IRAG1: variants seen among roughly 807,000 people sequenced by gnomAD.
IRAG1 encodes inositol 1,4,5-triphosphate receptor associated 1.
IRAG1 carries 62 observed loss-of-function variants against 106.2 expected under a neutral mutation model. That is an observed-to-expected ratio of 0.58 (90% confidence interval 0.48 to 0.72). IRAG1 has a LOEUF of 0.72. Ranked by LOEUF, IRAG1 falls within the 30% of genes least tolerant of loss-of-function variation. IRAG1 has a pLI of 0.00. For missense variants in IRAG1, 1,064 were observed against 1,140.7 expected (o/e 0.93, Z 0.97); for synonymous variants, 462 against 443.9 (o/e 1.04, Z -0.51).
chr11:10,593,691 G>A (rs1852939042), intron 16 of IRAG1, 92 bp from the exon 17 acceptor site: 1 of 933,924 alleles, frequency 1.1e-6, no homozygotes, highest in South Asian at 1.5e-5. Flanking sequence ...CATTTCTAAT[G>A]CTGTAATGGC....
chr11:10,652,193 G>T lies in IRAG1; in HGVS notation c.68-11C>A, dbSNP rs767531067. 6.2e-7 allele frequency: 1 copy of T among 1,613,396 alleles called. No homozygotes were observed. The highest frequency in any genetic ancestry group is 1.1e-5 in the South Asian group (1 of 90,980). On this transcript the variant is annotated splice_polypyrimidine_tract_variant and intron_variant, in intron 1 of 20. Coordinates refer to ENST00000423302, the MANE Select transcript of IRAG1 (RefSeq NM_130385.4). ...CCTGGGCTCCACAGGCTGGGGAGAT[G>T]CCAAAAGGACAAGTCAAATCCATTC... is the stretch of plus-strand genomic sequence containing the variant.
rs1850799404 is a variant in IRAG1, at chr11:10,576,122, T to C, written c.*210A>G. Reference sequence around the variant, plus strand: ...GGTGACTTCTTCATCCACTGGATGCTTTCCCAGGGCAGTTTTGTTGATCCT... The same window carrying C: ...GGTGACTTCTTCATCCACTGGATGCCTTCCCAGGGCAGTTTTGTTGATCCT... On this transcript the variant is annotated 3_prime_UTR_variant, in exon 21 of 21. Coordinates refer to ENST00000423302, the MANE Select transcript of IRAG1 (RefSeq NM_130385.4). The C allele has an allele frequency of 4.9e-6, 3 of 615,388 alleles. No homozygotes were observed. The highest frequency in any genetic ancestry group is 8.3e-6 in the Non-Finnish European group (3 of 360,568). The allele number at this position is 615,388 out of a possible 1,614,324, so 38.1% of individuals were successfully genotyped here.
intron 2 of IRAG1, among the ~76,000 whole-genome samples, chr11:10,643,576 T>C (rs1252247409): frequency 6.6e-6 from 1 of 152,244 alleles, no homozygotes; most frequent in Non-Finnish European, 1.5e-5. Flanking sequence ...TAGTCGTTCA[T>C]CCGTCATATC....
chr11:10,657,737 A>C lies in IRAG1; in HGVS notation c.68-5555T>G, dbSNP rs898744621. ...CTCTAGATGGACAACTGATGGGGGG[A>C]ATTGTTGGGGGTGACTGCACGTGGA... On this transcript the variant is annotated intron_variant, in intron 1 of 20. Transcript: ENST00000423302. The surrounding 1 kb of genome is among the most constrained non-coding windows in gnomAD (Gnocchi z 4.1). Among the ~76,000 whole-genome samples, 12 of 151,876 alleles carry C rather than the reference A, an allele frequency of 7.9e-5. No homozygotes were observed. The highest frequency in any genetic ancestry group is 1.8e-4 in the Non-Finnish European group (12 of 67,982).
intron 1 of IRAG1, among the ~76,000 whole-genome samples, chr11:10,691,188 C>G (rs112636343): frequency 6.6e-6 from 1 of 152,142 alleles, no homozygotes; most frequent in Non-Finnish European, 1.5e-5. Flanking sequence ...AACCCAGGGC[C>G]CTGTGTAACC....
intron 19 of IRAG1, 93 bp from the exon 20 acceptor site, chr11:10,580,682 C>T: frequency 2.1e-6 from 3 of 1,422,050 alleles, no homozygotes; most frequent in Non-Finnish European, 2.9e-6. Context: ...AGCAGCACCT[C>T]CAATAATTAT....
At chr11:10,580,716 C>A in intron 19 of IRAG1, 127 bp from the exon 20 acceptor site, 1 of 1,166,962 alleles carries the variant, frequency 8.6e-7, no homozygotes, top group Non-Finnish European at 1.2e-6. Context: ...TTCCACAAAA[C>A]AGGAAAAAGC....
At chr11:10,599,458 C>A (rs2134290221) in intron 15 of IRAG1, among the ~76,000 whole-genome samples, 1 of 152,298 alleles carries the variant, frequency 6.6e-6, no homozygotes, top group Non-Finnish European at 1.5e-5. Context: ...GCTTCCAACA[C>A]TGACGGAAAA....
chr11:10,649,047 G>A (rs919375184), intron 2 of IRAG1, among the ~76,000 whole-genome samples: 2 of 152,146 alleles, frequency 1.3e-5, no homozygotes, highest in Non-Finnish European at 2.9e-5. Flanking sequence ...ACTTCCAGCC[G>A]AGTCATCCTG....
rs79980445 is a variant in IRAG1 at position 10,628,311 on chromosome 11, G to A, written c.653-286C>T. 0.064 allele frequency among the ~76,000 whole-genome samples: 9,706 copies of A among 152,258 alleles called. 359 individuals carry two copies. Among genetic ancestry groups the A allele is most frequent in the Admixed American group, 0.12 (1,804 of 15,296 alleles). ...GGCCCCGACCTGAGCGTGCCCTGCC[G>A]CACTGATGAGGGCCGGTTGCCCTTC... On this transcript the variant is annotated intron_variant, in intron 6 of 20. Coordinates refer to ENST00000423302, the MANE Select transcript of IRAG1 (RefSeq NM_130385.4). The surrounding 1 kb of genome is among the most constrained non-coding windows in gnomAD (Gnocchi z 4.1).
chr11:10,656,529 C>T (rs867755703), intron 1 of IRAG1, among the ~76,000 whole-genome samples: 8 of 152,152 alleles, frequency 5.3e-5, no homozygotes, highest in African/African-American at 1.9e-4. Flanking sequence ...TTTATCTGCC[C>T]CTGCTCATGA....
At chr11:10,582,854 G>A (rs1410035902) in intron 18 of IRAG1, among the ~76,000 whole-genome samples, 1 of 152,196 alleles carries the variant, frequency 6.6e-6, no homozygotes, top group Non-Finnish European at 1.5e-5. Flanking sequence ...TACTCAGGAG[G>A]CTGAGGCAAG....
intron 10 of IRAG1, 28 bp from the exon 11 acceptor site, chr11:10,609,879 T>A (rs748102872): frequency 6.2e-7 from 1 of 1,611,472 alleles, no homozygotes; most frequent in Admixed American, 1.7e-5. Flanking sequence ...ACTTATAAAA[T>A]GTCTCTTTGA....
In IRAG1 at chr11:10,647,681, T is replaced by G. The variant is rs7940646; in HGVS notation, c.225+4344A>C. ...GCACTTCAGAGGATGCTGCACTGTC[T>G]GGGTGAGTCAGCTTCCTACTGTGGC... On this transcript the variant is annotated intron_variant, in intron 2 of 20. Coordinates refer to ENST00000423302, the MANE Select transcript of IRAG1 (RefSeq NM_130385.4). This position sits in a 1 kb window ranked among gnomAD's most constrained non-coding sequence, Gnocchi z 4.3. Among the ~76,000 whole-genome samples, 1 of 152,036 alleles carries G rather than the reference T, an allele frequency of 6.6e-6. No homozygotes were observed. The highest frequency in any genetic ancestry group is 1.9e-4 in the East Asian group (1 of 5,170).
chr11:10,630,655 C>G (rs775401752), intron 4 of IRAG1, among the ~76,000 whole-genome samples: 2 of 152,228 alleles, frequency 1.3e-5, no homozygotes, highest in Non-Finnish European at 2.9e-5. Context: ...GGGGATTTCT[C>G]ATGCTCCTCA....
At chr11:10,581,294 G>C (rs1401537155) in intron 19 of IRAG1, among the ~76,000 whole-genome samples, 1 of 152,168 alleles carries the variant, frequency 6.6e-6, no homozygotes, top group Non-Finnish European at 1.5e-5. Context: ...TATGGAGACA[G>C]GAGACGCATA....
At chr11:10,619,488 TTCAGA>T (rs1479156960) in intron 10 of IRAG1, among the ~76,000 whole-genome samples, 2,525 of 152,162 alleles carry the variant, frequency 0.017, 1 homozygote, top group African/African-American at 0.058. Context: ...TGATGGGGCT[TTCAGA>T]ATATAAGAAA....
chr11:10,632,351 A>G (rs1856769429), intron 3 of IRAG1, among the ~76,000 whole-genome samples: 1 of 151,822 alleles, frequency 6.6e-6, no homozygotes, highest in African/African-American at 2.4e-5. Flanking sequence ...ACACCCAGCT[A>G]ATTTTTGTAT....
chr11:10,594,017 G>T, intron 16 of IRAG1, 129 bp downstream of exon 16: 1 of 885,056 alleles, frequency 1.1e-6, no homozygotes. Flanking sequence ...AGTGTGGAAA[G>T]CCGAATAGAA....
Sources: gnomAD v4.1 joint callset for allele counts (sites outside exome capture counted in the v4.1 genomes callset) on GRCh38, gnomAD v4.1.1 for gene constraint, Gnocchi (gnomAD v3.1) non-coding constraint, MANE v1.5 for transcripts, NCBI Gene and HGNC (gene_info 2026-07-23, HGNC 2026-07-21) for gene names.